The following DAPP1 variants were observed in gnomAD, a reference collection of about 807,000 sequenced individuals.
DAPP1 encodes dual adaptor of phosphotyrosine and 3-phosphoinositides 1, also known as dual adapter for phosphotyrosine and 3-phosphotyrosine and 3-phosphoinositide.
In DAPP1, 20 loss-of-function variants were observed where a neutral mutation model predicts 41.5. The ratio of observed to expected loss-of-function variants is 0.48; its 90% CI spans 0.34 to 0.70. The LOEUF is 0.70. DAPP1 is among the 30% of genes least tolerant of loss of function. DAPP1 has a pLI of 0.01. For missense variants in DAPP1, 233 were observed against 333.4 expected (o/e 0.70, Z 2.35); for synonymous variants, 113 against 116.2 (o/e 0.97, Z 0.18).
intron 4 of DAPP1, among the ~76,000 whole-genome samples, chr4:99,861,240 T>A (rs1724225013): frequency 1.3e-5 from 2 of 152,246 alleles, no homozygotes; most frequent in South Asian, 4.1e-4. Flanking sequence ...ACAGTAGATG[T>A]GTGCGTGTTT....
At chr4:99,841,733 T>C (rs1489891253) in intron 3 of DAPP1, among the ~76,000 whole-genome samples, 1 of 152,246 alleles carries the variant, frequency 6.6e-6, no homozygotes, top group Non-Finnish European at 1.5e-5. Context: ...TTTTGTTTTG[T>C]GTACCTCTAA....
At chr4:99,841,930 T>G (rs937565849) in intron 3 of DAPP1, among the ~76,000 whole-genome samples, 1 of 152,244 alleles carries the variant, frequency 6.6e-6, no homozygotes, top group Non-Finnish European at 1.5e-5. Context: ...ATTCTTCTCC[T>G]AGACTCTATT....
intron 1 of DAPP1, among the ~76,000 whole-genome samples, chr4:99,832,504 G>C (rs72684355): frequency 6.6e-6 from 1 of 152,162 alleles, no homozygotes; most frequent in South Asian, 2.1e-4. Flanking sequence ...AATGTAGGTG[G>C]CTGCCTGGAA....
Position 99,868,242 on chromosome 4 carries a change from G to A in DAPP1, c.*57G>A, listed in dbSNP as rs147747578. 2.4e-4 allele frequency: 338 copies of A among 1,417,514 alleles called. 3 individuals carry two copies. The Middle Eastern group carries it at 0.011, about 47-fold the overall frequency. The allele number at this position is 1,417,514 out of a possible 1,614,324, so 87.8% of individuals were successfully genotyped here. On this transcript the variant is annotated 3_prime_UTR_variant, in exon 9 of 9. Transcript: ENST00000512369. ...GAGCAAGGTGGAATGTTTCCCTGAC[G>A]CTGTGATCTGCAGCAGGCTTCAAAT...
intron 1 of DAPP1, among the ~76,000 whole-genome samples, chr4:99,834,927 C>A (rs910266085): frequency 6.6e-6 from 1 of 152,088 alleles, no homozygotes; most frequent in Non-Finnish European, 1.5e-5. Flanking sequence ...GCGCTGTTCT[C>A]CCTGTAGGCA....
intron 4 of DAPP1, among the ~76,000 whole-genome samples, chr4:99,858,077 C>A (rs945890092): frequency 9.9e-5 from 15 of 152,176 alleles, no homozygotes; most frequent in African/African-American, 3.6e-4. Flanking sequence ...GCCTGCGTGA[C>A]CAGATAGAGC....
chr4:99,830,643 C>T (rs973540350), intron 1 of DAPP1, among the ~76,000 whole-genome samples: 13 of 152,118 alleles, frequency 8.5e-5, no homozygotes, highest in African/African-American at 2.9e-4. Context: ...CTCATACACG[C>T]CTTGCATTCT....
chr4:99,851,631 C>T (rs534859927), intron 3 of DAPP1, among the ~76,000 whole-genome samples: 122 of 150,534 alleles, frequency 8.1e-4, no homozygotes, highest in African/African-American at 2.9e-3. Context: ...ACCCCCGCCT[C>T]CCGGGTTCAA....
At chr4:99,871,576 C>T (rs1724629707), downstream of DAPP1, among the ~76,000 whole-genome samples, 1 of 152,052 alleles carries the variant, frequency 6.6e-6, no homozygotes, top group Non-Finnish European at 1.5e-5. Flanking sequence ...TTTTTCAACA[C>T]TTAAAACTGG....
At chr4:99,860,409 T>A (rs1452040167) in intron 4 of DAPP1, among the ~76,000 whole-genome samples, 1 of 152,224 alleles carries the variant, frequency 6.6e-6, no homozygotes, top group Non-Finnish European at 1.5e-5. Context: ...AAATAATTAC[T>A]TTTTGCCATT....
intron 1 of DAPP1, among the ~76,000 whole-genome samples, chr4:99,826,401 GT>G (rs888314826): frequency 1.3e-5 from 2 of 152,204 alleles, no homozygotes; most frequent in South Asian, 2.1e-4. Context: ...ACAATCAGGA[GT>G]TTTTTTCCCA....
At chr4:99,839,083 A>C (rs907949115) in intron 2 of DAPP1, among the ~76,000 whole-genome samples, 4 of 152,168 alleles carry the variant, frequency 2.6e-5, no homozygotes, top group African/African-American at 9.7e-5. Context: ...ATCCAGTTGG[A>C]CTAGGGCAGC....
chr4:99,821,922 C>T (rs560894898), intron 1 of DAPP1, among the ~76,000 whole-genome samples: 1 of 152,186 alleles, frequency 6.6e-6, no homozygotes, highest in Non-Finnish European at 1.5e-5. Flanking sequence ...AATTCATTTT[C>T]AGGACTAGAA....
At chr4:99,821,316 A>G (rs774686418) in intron 1 of DAPP1, among the ~76,000 whole-genome samples, 3 of 152,240 alleles carry the variant, frequency 2.0e-5, no homozygotes, top group Admixed American at 6.5e-5. Flanking sequence ...GGTGACTTCA[A>G]TAAGCTAAGT....
chr4:99,854,957 G>A (rs1384944145), intron 4 of DAPP1, among the ~76,000 whole-genome samples: 1 of 152,140 alleles, frequency 6.6e-6, no homozygotes, highest in Non-Finnish European at 1.5e-5. Flanking sequence ...CTGGCTCATG[G>A]CACATCTTAC....
chr4:99,831,598 C>T (rs544252935), intron 1 of DAPP1, among the ~76,000 whole-genome samples: 1 of 152,298 alleles, frequency 6.6e-6, no homozygotes, highest in Admixed American at 6.5e-5. Flanking sequence ...TTCATATTTT[C>T]TTCTGCTCAT....
In DAPP1 at chr4:99,853,218, G is replaced by A. The variant is rs746234384; in HGVS notation, c.359G>A (p.Gly120Asp). Residue 120 changes from glycine to aspartate, a missense_variant and splice_region_variant, in exon 4 of 9, where the codon GGC becomes GAC. Coordinates refer to ENST00000512369, the MANE Select transcript of DAPP1 (RefSeq NM_014395.3). Reference sequence around the variant, plus strand: ...TTATATATTTTTCATCTTCATTCAGGCACTCTGATGGTTCTAAAACATCCC... The same window carrying A: ...TTATATATTTTTCATCTTCATTCAGACACTCTGATGGTTCTAAAACATCCC... ...ANQPLIGSET[G>D]TLMVLKHPYP... The A allele has an allele frequency of 9.3e-6, 15 of 1,613,678 alleles. No individual in the cohort carries two copies. The highest frequency in any genetic ancestry group is 1.3e-5 in the Non-Finnish European group (15 of 1,179,794).
intron 4 of DAPP1, among the ~76,000 whole-genome samples, chr4:99,858,309 C>T (rs928447410): frequency 6.6e-6 from 1 of 152,166 alleles, no homozygotes; most frequent in African/African-American, 2.4e-5. Flanking sequence ...AATTAAAGAC[C>T]AGTTATTTTG....
At chr4:99,822,106 T>G (rs1395273115) in intron 1 of DAPP1, among the ~76,000 whole-genome samples, 1 of 152,178 alleles carries the variant, frequency 6.6e-6, no homozygotes, top group South Asian at 2.1e-4. Context: ...ATGTAACTAG[T>G]GTACAGTTCC....
Sources: allele counts gnomAD v4.1 joint callset (sites outside exome capture counted in the v4.1 genomes callset), GRCh38; gene constraint gnomAD v4.1.1; transcripts MANE v1.5; gene names NCBI Gene and HGNC (gene_info 2026-07-23, HGNC 2026-07-21).